Variants in GPC5 observed in about 807,000 individuals in gnomAD.
GPC5 encodes glypican 5.
Under a neutral mutation model 53.9 loss-of-function variants are expected in GPC5, and 47 were observed. The observed-to-expected ratio is 0.87, with a 90% CI of 0.69 to 1.11. The LOEUF (loss-of-function observed/expected upper bound fraction) is 1.11. Among genes scored for constraint, GPC5 ranks in the 50% most tolerant of loss-of-function variants. GPC5 has a pLI of 0.00. For missense variants in GPC5, 748 were observed against 713.1 expected (o/e 1.05, Z -0.56); for synonymous variants, 286 against 263.3 (o/e 1.09, Z -0.84).
At chr13:91,405,742 G>A (rs183509107) in intron 1 of GPC5, among the ~76,000 whole-genome samples, 1 of 152,274 alleles carries the variant, frequency 6.6e-6, no homozygotes, top group East Asian at 1.9e-4. Flanking sequence ...TGAACCGTGT[G>A]GTTGGTTTAA....
At chr13:92,671,870 G>T (rs1886763626) in intron 7 of GPC5, among the ~76,000 whole-genome samples, 1 of 152,124 alleles carries the variant, frequency 6.6e-6, no homozygotes, top group African/African-American at 2.4e-5. Context: ...CTGTGTGCAG[G>T]GTGGATTAGA....
At chr13:92,578,754 A>G (rs7984842) in intron 7 of GPC5, among the ~76,000 whole-genome samples, 30,842 of 152,138 alleles carry the variant, frequency 0.2, 3,063 homozygotes, top group South Asian at 0.22. Context: ...ACCCAGGAAT[A>G]ATGTTTTGCC....
At chr13:91,438,875 C>T (rs1002146851) in intron 1 of GPC5, among the ~76,000 whole-genome samples, 1 of 152,224 alleles carries the variant, frequency 6.6e-6, no homozygotes, top group African/African-American at 2.4e-5. Context: ...CGCCCCTCCC[C>T]CAGCCTCGCT....
chr13:92,837,859 G>T (rs1348860734), intron 7 of GPC5, among the ~76,000 whole-genome samples: 1 of 152,010 alleles, frequency 6.6e-6, no homozygotes, highest in East Asian at 1.9e-4. Flanking sequence ...TTGGGAGGCC[G>T]AGGCGGGCGG....
intron 6 of GPC5, among the ~76,000 whole-genome samples, chr13:92,113,042 A>G (rs72635477): frequency 1.3e-5 from 2 of 152,268 alleles, no homozygotes; most frequent in Non-Finnish European, 2.9e-5. Flanking sequence ...TGATAAGTGT[A>G]TAATGACCAG....
chr13:92,853,934 A>G lies in GPC5; in HGVS notation c.1562-12348A>G, dbSNP rs139319264. ...TATATAAACTTAAGTCTTCTCATCT[A>G]TAAACTTGCTGCATCTCTACATTTA... On this transcript the variant is annotated intron_variant, in intron 7 of 7. Transcript: ENST00000377067. Among the ~76,000 whole-genome samples, 66 of 152,174 alleles carry G rather than the reference A, an allele frequency of 4.3e-4. No individual in the cohort carries two copies. The East Asian group carries it at 0.012, about 28-fold the overall frequency.
chr13:92,761,689 T>C (rs1357299687), intron 7 of GPC5, among the ~76,000 whole-genome samples: 1 of 152,210 alleles, frequency 6.6e-6, no homozygotes, highest in Non-Finnish European at 1.5e-5. Flanking sequence ...TGTATTTTGA[T>C]GGTAGAATGT....
chr13:92,793,377 T>C (rs1876538374), intron 7 of GPC5, among the ~76,000 whole-genome samples: 1 of 152,088 alleles, frequency 6.6e-6, no homozygotes, highest in South Asian at 2.1e-4. Flanking sequence ...CTGGGACACA[T>C]TTAAAGCAGT....
At chr13:92,225,352 T>G (rs2139093210) in intron 7 of GPC5, among the ~76,000 whole-genome samples, 1 of 152,354 alleles carries the variant, frequency 6.6e-6, no homozygotes, top group Middle Eastern at 3.4e-3. Context: ...AGCTGCTTGG[T>G]TTCTGAATGG....
chr13:91,720,576 A>T (rs1156455816), intron 3 of GPC5, among the ~76,000 whole-genome samples: 1 of 152,058 alleles, frequency 6.6e-6, no homozygotes, highest in East Asian at 1.9e-4. Flanking sequence ...CCCTATGCTC[A>T]TCCAACTGCC....
At chr13:92,349,993 C>A (rs1022200498) in intron 7 of GPC5, among the ~76,000 whole-genome samples, 1 of 152,150 alleles carries the variant, frequency 6.6e-6, no homozygotes, top group African/African-American at 2.4e-5. Flanking sequence ...CCATTATATT[C>A]TAGCAAGCTG....
intron 1 of GPC5, among the ~76,000 whole-genome samples, chr13:91,415,626 C>A (rs1878158024): frequency 1.3e-5 from 2 of 151,138 alleles, no homozygotes; most frequent in South Asian, 4.2e-4. Context: ...AATCTGAGTT[C>A]AAATTTGTTT....
chr13:91,573,655 A>T (rs2032025840), intron 2 of GPC5, among the ~76,000 whole-genome samples: 1 of 152,146 alleles, frequency 6.6e-6, no homozygotes, highest in East Asian at 1.9e-4. Context: ...TATATTGATA[A>T]TTTTTTCTAG....
chr13:91,599,812 A>G (rs2033117439), intron 2 of GPC5, among the ~76,000 whole-genome samples: 2 of 152,236 alleles, frequency 1.3e-5, no homozygotes, highest in South Asian at 2.1e-4. Context: ...TCTAGCACCT[A>G]AAAGTCTAAT....
At chr13:91,724,601 C>T (rs1594482734) in intron 3 of GPC5, among the ~76,000 whole-genome samples, 1 of 152,124 alleles carries the variant, frequency 6.6e-6, no homozygotes, top group South Asian at 2.1e-4. Flanking sequence ...GTAATTCCAG[C>T]ATTTTGGGAG....
chr13:91,990,714 GGCTTGTATATT>G (rs1027255996), intron 6 of GPC5, among the ~76,000 whole-genome samples: 1 of 152,120 alleles, frequency 6.6e-6, no homozygotes, highest in African/African-American at 2.4e-5. Context: ...GAGATGAAGG[GGCTTGTATATT>G]GCTCACGCAG....
chr13:91,965,859 G>T (rs945769717), intron 6 of GPC5, among the ~76,000 whole-genome samples: 1 of 152,042 alleles, frequency 6.6e-6, no homozygotes, highest in Non-Finnish European at 1.5e-5. Flanking sequence ...GTTTTCTCAG[G>T]AATGCATATT....
chr13:92,628,260 C>CTTTTTTTTT (rs1286424637), intron 7 of GPC5, among the ~76,000 whole-genome samples: 5 of 37,546 alleles, frequency 1.3e-4, no homozygotes, highest in Admixed American at 2.9e-4. Context: ...TTTTCTTTTT[C>CTTTTTTTTT]TTTCTTTTTT....
chr13:92,711,342 G>A (rs775083743), intron 7 of GPC5, among the ~76,000 whole-genome samples: 4 of 152,082 alleles, frequency 2.6e-5, no homozygotes, highest in African/African-American at 4.8e-5. Context: ...GCCTCAACTT[G>A]TACACTGTCA....
Sources: allele counts gnomAD v4.1 joint callset (sites outside exome capture counted in the v4.1 genomes callset), GRCh38; gene constraint gnomAD v4.1.1; transcripts MANE v1.5; gene names NCBI Gene and HGNC (gene_info 2026-07-23, HGNC 2026-07-21).